DSCAM: variants seen among roughly 807,000 people sequenced by gnomAD.
The protein encoded by DSCAM is DS cell adhesion molecule.
A neutral mutation model predicts 217.7 loss-of-function variants in DSCAM; 47 were observed. That is an observed-to-expected ratio of 0.22 (90% CI 0.17 to 0.28). DSCAM has a LOEUF of 0.28. Among genes scored for constraint, DSCAM ranks in the 10% least tolerant of loss-of-function variants. The pLI is 1.00. For missense variants in DSCAM, 2,080 were observed against 2,618.3 expected (o/e 0.79, Z 4.49); for synonymous variants, 1,056 against 1,015.3 (o/e 1.04, Z -0.76).
chr21:40,802,369 A>G (rs1196520514), intron 1 of DSCAM, among the ~76,000 whole-genome samples: 1 of 152,208 alleles, frequency 6.6e-6, no homozygotes, highest in African/African-American at 2.4e-5. Context: ...AGACTCACAG[A>G]TGAGACTGTG....
chr21:40,616,979 T>G (rs946669138), intron 3 of DSCAM, among the ~76,000 whole-genome samples: 3 of 125,100 alleles, frequency 2.4e-5, no homozygotes, highest in Non-Finnish European at 4.8e-5. Flanking sequence ...ATCCCGCCAC[T>G]GCACTCCAGC....
chr21:40,421,282 C>T (rs751186315), intron 3 of DSCAM, among the ~76,000 whole-genome samples: 8 of 152,196 alleles, frequency 5.3e-5, no homozygotes, highest in Admixed American at 1.3e-4. Flanking sequence ...AACCTGAACA[C>T]GCCTCCGAAA....
Position 40,276,204 on chromosome 21 carries a change from G to T in DSCAM, c.2249C>A (p.Ser750Ter). The change falls in exon 11 of 33, where the codon TCG (serine) becomes TAG (stop). Residue 750 changes from serine (S) to a stop codon, truncating the protein, a stop_gained. Transcript: ENST00000400454. LOFTEE classifies it high-confidence loss of function. ...CTCCACGACATGCTTGATCAGCAAC[G>T]ACCCATTGCTGAGAACTTGGATTCG... The part of the protein sequence containing the change: ...NGRIQVLSNG[S>*]LLIKHVVEED... The T allele has an allele frequency of 6.2e-7, 1 of 1,613,128 alleles. No homozygotes were observed. The highest frequency in any genetic ancestry group is 8.5e-7 in the Non-Finnish European group (1 of 1,179,518).
At chr21:40,640,308 G>A (rs1457339037) in intron 3 of DSCAM, among the ~76,000 whole-genome samples, 1 of 152,022 alleles carries the variant, frequency 6.6e-6, no homozygotes, top group Non-Finnish European at 1.5e-5. Flanking sequence ...GGGAGAACAG[G>A]GCAGGGTGAT....
In DSCAM at chr21:40,620,356, A is replaced by G. The variant is rs574928822; in HGVS notation, c.508+72454T>C. Among the ~76,000 whole-genome samples the G allele has an allele frequency of 1.4e-4, 19 of 132,500 alleles. No individual in the cohort carries two copies. In the South Asian group the frequency reaches 4.8e-3, roughly 34 times the overall value. The allele number at this position is 132,500 out of a possible 152,430, so 86.9% of individuals were successfully genotyped here. The stretch of plus-strand genomic sequence containing the variant: ...GAAAAAGAAAGAAAGAGAAAGAGAG[A>G]GAAAAAAGAAAAAGAAAGAAAGAAA... On this transcript the variant is annotated intron_variant, in intron 3 of 32. Transcript: ENST00000400454.
At position 40,295,515 on chromosome 21, in the gene DSCAM, C is replaced by T. The variant is rs150295068; in HGVS notation, c.2182+540G>A. On this transcript the variant is annotated intron_variant, in intron 10 of 32. Transcript: ENST00000400454. ...GTGCAAGCAGGGAACATGAGACAAT[C>T]GCAATAGGACATTGGGCGTGTTTGT... 4.7e-4 allele frequency among the ~76,000 whole-genome samples: 72 copies of T among 152,176 alleles called. No homozygotes were observed. The East Asian group carries it at 0.013, about 27-fold the overall frequency.
intron 3 of DSCAM, among the ~76,000 whole-genome samples, chr21:40,420,799 C>G (rs1460163631): frequency 6.6e-6 from 1 of 152,070 alleles, no homozygotes; most frequent in African/African-American, 2.4e-5. Flanking sequence ...CAACAAAATG[C>G]CAAAGATTAC....
intron 3 of DSCAM, among the ~76,000 whole-genome samples, chr21:40,489,723 C>A (rs901656413): frequency 2.4e-5 from 3 of 126,108 alleles, no homozygotes; most frequent in African/African-American, 8.9e-5. Flanking sequence ...TGCAGTGAGC[C>A]GAGATCCCGC....
At chr21:40,392,579 T>A (rs2075143662) in intron 3 of DSCAM, among the ~76,000 whole-genome samples, 1 of 152,186 alleles carries the variant, frequency 6.6e-6, no homozygotes, top group Admixed American at 6.5e-5. Flanking sequence ...GAACACAAGT[T>A]CTTGTAACAC....
intron 3 of DSCAM, among the ~76,000 whole-genome samples, chr21:40,435,763 A>G (rs1382689919): frequency 6.6e-6 from 1 of 152,174 alleles, no homozygotes; most frequent in Non-Finnish European, 1.5e-5. Flanking sequence ...CTTTACCTAT[A>G]CAGACAGTTC....
At chr21:40,679,593 A>G (rs1356497988) in intron 3 of DSCAM, among the ~76,000 whole-genome samples, 1 of 152,236 alleles carries the variant, frequency 6.6e-6, no homozygotes, top group Non-Finnish European at 1.5e-5. Context: ...CATGTGCTAC[A>G]AGTATTTTAA....
At chr21:40,573,370 A>G (rs2076823852) in intron 3 of DSCAM, among the ~76,000 whole-genome samples, 1 of 152,168 alleles carries the variant, frequency 6.6e-6, no homozygotes. Flanking sequence ...GAAATAAATG[A>G]AAATAAATAG....
chr21:40,350,877 C>CTT (rs10658416), intron 5 of DSCAM, among the ~76,000 whole-genome samples: 25,269 of 63,784 alleles, frequency 0.4, 8,338 homozygotes, highest in South Asian at 0.49. Flanking sequence ...ATAAGTCATA[C>CTT]TTTTTTTTTT....
In DSCAM at chr21:40,555,501, C is replaced by G. The variant is rs77341883; in HGVS notation, c.508+137309G>C. Reference sequence around the variant, plus strand: ...TATTTAATGATGCCAAAATAAGAATCAGAATGAAATTTTAAACCCACATTA... The same window carrying G: ...TATTTAATGATGCCAAAATAAGAATGAGAATGAAATTTTAAACCCACATTA... On this transcript the variant is annotated intron_variant, in intron 3 of 32. Transcript: ENST00000400454. 7.0e-3 allele frequency among the ~76,000 whole-genome samples: 1,063 copies of G among 152,204 alleles called. 36 individuals are homozygous for G. The East Asian group carries it at 0.076, about 11-fold the overall frequency.
Position 40,338,377 on chromosome 21 carries a change from C to CT in DSCAM, c.1508-2dup. On this transcript the variant is annotated splice_acceptor_variant, in intron 7 of 32. Coordinates refer to ENST00000400454, the MANE Select transcript of DSCAM (RefSeq NM_001389.5). LOFTEE classifies it high-confidence loss of function. ...TTCATTGGTCGAATGCTTGCAGGCC[C>CT]TGGAGAGACACAAAGAAACTCTTGA... is the stretch of plus-strand genomic sequence containing the variant. The CT allele has an allele frequency of 6.2e-7, 1 of 1,608,602 alleles. No individual in the cohort carries two copies. The highest frequency in any genetic ancestry group is 1.1e-5 in the South Asian group (1 of 90,842).
Position 40,330,282 on chromosome 21 carries a change from T to C in DSCAM, c.1783+7819A>G, listed in dbSNP as rs562040461. On this transcript the variant is annotated intron_variant, in intron 8 of 32. Coordinates refer to ENST00000400454, the MANE Select transcript of DSCAM (RefSeq NM_001389.5). ...ATTTATATATATCAAAATATATTTA[T>C]TATATTATATGCATATATTTATATA... is the stretch of plus-strand genomic sequence containing the variant. Among the ~76,000 whole-genome samples the C allele has an allele frequency of 2.7e-5, 4 of 147,188 alleles. No homozygotes were observed. In the South Asian group the frequency reaches 8.4e-4, roughly 31 times the overall value.
At position 40,276,088 on chromosome 21, in the gene DSCAM, C is replaced by A; in HGVS notation, c.2356+9G>T. 6.5e-7 allele frequency: 1 copy of A among 1,550,052 alleles called. No homozygotes were observed. Among genetic ancestry groups the A allele is most frequent in the Non-Finnish European group, 8.7e-7 (1 of 1,149,446 alleles). ...AACTAGGTAAAACGAAGCATTTCTT[C>A]TCTCTTACTTTTAACCGTGAGGTAC... On this transcript the variant is annotated intron_variant, in intron 11 of 32. Transcript: ENST00000400454.
chr21:40,674,028 A>G (rs1601839629), intron 3 of DSCAM, among the ~76,000 whole-genome samples: 1 of 152,362 alleles, frequency 6.6e-6, no homozygotes, highest in Non-Finnish European at 1.5e-5. Context: ...AGTGGCCACA[A>G]TCACTTTGAC....
At chr21:40,807,812 C>G (rs1177379750) in intron 1 of DSCAM, among the ~76,000 whole-genome samples, 2 of 152,072 alleles carry the variant, frequency 1.3e-5, no homozygotes, top group Non-Finnish European at 2.9e-5. Context: ...GAATTTCTAT[C>G]CACCTTCTTC....
Sources: allele counts gnomAD v4.1 joint callset (sites outside exome capture counted in the v4.1 genomes callset), GRCh38; gene constraint gnomAD v4.1.1; transcripts MANE v1.5; gene names NCBI Gene and HGNC (gene_info 2026-07-23, HGNC 2026-07-21).